KHDRBS2: variants seen among roughly 807,000 people sequenced by gnomAD.
The protein encoded by KHDRBS2 is KH RNA binding domain containing, signal transduction associated 2.
Under a neutral mutation model 44.3 loss-of-function variants are expected in KHDRBS2, and 26 were observed. That is an observed-to-expected ratio of 0.59 (90% CI 0.43 to 0.81). KHDRBS2 has a LOEUF of 0.81. KHDRBS2 is among the 40% of genes least tolerant of loss of function. The pLI, the probability that KHDRBS2 is intolerant of heterozygous loss-of-function variation, is 0.00. For missense variants in KHDRBS2, 476 were observed against 433.1 expected (o/e 1.10, Z -0.88); for synonymous variants, 194 against 151.1 (o/e 1.28, Z -2.08).
intron 4 of KHDRBS2, among the ~76,000 whole-genome samples, chr6:61,918,579 C>T (rs1235945952): frequency 2.0e-5 from 3 of 151,904 alleles, no homozygotes; most frequent in Admixed American, 6.6e-5. Flanking sequence ...GAAGAGATCC[C>T]TCACCAGAAC....
chr6:62,262,227 C>T (rs532939608), intron 1 of KHDRBS2, among the ~76,000 whole-genome samples: 93 of 151,754 alleles, frequency 6.1e-4, no homozygotes, highest in Admixed American at 2.4e-3. Context: ...TGGCAGGACA[C>T]ATACCACAGT....
intron 6 of KHDRBS2, among the ~76,000 whole-genome samples, chr6:61,742,616 G>A (rs146984144): frequency 5.8e-4 from 88 of 151,956 alleles, no homozygotes; most frequent in Middle Eastern, 6.8e-3. Context: ...CCCACTGAAA[G>A]CATGACTAGA....
chr6:61,699,066 T>C (rs1409130467), intron 7 of KHDRBS2, among the ~76,000 whole-genome samples: 2 of 152,130 alleles, frequency 1.3e-5, no homozygotes, highest in Non-Finnish European at 2.9e-5. Flanking sequence ...AAACTTCTTG[T>C]TATAGAAAAT....
At chr6:61,721,178 G>A (rs532503784) in intron 7 of KHDRBS2, among the ~76,000 whole-genome samples, 4 of 152,200 alleles carry the variant, frequency 2.6e-5, no homozygotes, top group South Asian at 4.1e-4. Flanking sequence ...TTTGGTTACT[G>A]TAGCCTTGTA....
chr6:61,980,059 T>C (rs1304998315), intron 3 of KHDRBS2, among the ~76,000 whole-genome samples: 1 of 152,048 alleles, frequency 6.6e-6, no homozygotes, highest in African/African-American at 2.4e-5. Context: ...ATTATGGAGC[T>C]CAATAAAATA....
intron 2 of KHDRBS2, among the ~76,000 whole-genome samples, chr6:62,147,640 C>T (rs1342270711): frequency 6.6e-6 from 1 of 151,880 alleles, no homozygotes. Flanking sequence ...CTAGAAATTG[C>T]CAACATTTTT....
chr6:62,057,953 A>G (rs1218736602), intron 2 of KHDRBS2, among the ~76,000 whole-genome samples: 4 of 151,982 alleles, frequency 2.6e-5, no homozygotes, highest in Non-Finnish European at 4.4e-5. Context: ...TTTTAGGGAC[A>G]TTTTTAACAT....
rs374075454 is a variant in KHDRBS2 at position 62,072,254 on chromosome 6, G to C, written c.220-24260C>G. Reference sequence around the variant, plus strand: ...AGGAGATTTTGGGCTGAGACGATGGGGTTTTCTAGATATACAATCATGTCA... The same window carrying C: ...AGGAGATTTTGGGCTGAGACGATGGCGTTTTCTAGATATACAATCATGTCA... On this transcript the variant is annotated intron_variant, in intron 2 of 8. Coordinates refer to ENST00000281156, the MANE Select transcript of KHDRBS2 (RefSeq NM_152688.4). Among the ~76,000 whole-genome samples, 8 of 152,166 alleles carry C rather than the reference G, an allele frequency of 5.3e-5. No individual in the cohort carries two copies. In the East Asian group the frequency reaches 1.2e-3, roughly 22 times the overall value.
rs1448906932 is a variant in KHDRBS2, at chr6:62,213,160, A to G, written c.92-35848T>C. ...TTTAATCCGTTCATAATAGCTATCAATATAATGCTGGGGCATTGATAATGT... is the reference window on the plus strand; with the variant it reads ...TTTAATCCGTTCATAATAGCTATCAGTATAATGCTGGGGCATTGATAATGT... On this transcript the variant is annotated intron_variant, in intron 1 of 8. Coordinates refer to ENST00000281156, the MANE Select transcript of KHDRBS2 (RefSeq NM_152688.4). 4.6e-5 allele frequency among the ~76,000 whole-genome samples: 7 copies of G among 152,194 alleles called. No homozygotes were observed. The South Asian group carries it at 1.0e-3, about 23-fold the overall frequency.
chr6:61,850,724 T>A (rs1795290901), intron 6 of KHDRBS2, among the ~76,000 whole-genome samples: 1 of 152,098 alleles, frequency 6.6e-6, no homozygotes, highest in Non-Finnish European at 1.5e-5. Context: ...AGGATCAAGC[T>A]CATGTCAATC....
the KHDRBS2 span, among the ~76,000 whole-genome samples, chr6:61,624,626 T>C: frequency 6.6e-6 from 1 of 152,250 alleles, no homozygotes; most frequent in East Asian, 1.9e-4. Context: ...GGGCTACTGA[T>C]TGAATCACAT....
chr6:61,693,813 G>T (rs1767619871), intron 8 of KHDRBS2, among the ~76,000 whole-genome samples: 1 of 152,096 alleles, frequency 6.6e-6, no homozygotes, highest in Non-Finnish European at 1.5e-5. Context: ...AGACTACAAA[G>T]AAAGTACAAT....
chr6:62,189,116 C>T (rs1380551106), intron 1 of KHDRBS2, among the ~76,000 whole-genome samples: 6 of 151,098 alleles, frequency 4.0e-5, no homozygotes, highest in Non-Finnish European at 8.8e-5. Flanking sequence ...GAGTCTGTCT[C>T]CAAGAAACAA....
At chr6:61,641,241 T>G in the KHDRBS2 span, among the ~76,000 whole-genome samples, 9 of 152,176 alleles carry the variant, frequency 5.9e-5, no homozygotes, top group Non-Finnish European at 1.2e-4. Flanking sequence ...TAGGTTAGGC[T>G]TCCTAAAATA....
intron 1 of KHDRBS2, among the ~76,000 whole-genome samples, 184 bp from the exon 2 acceptor site, chr6:62,177,496 G>T (rs1821386696): frequency 6.6e-6 from 1 of 151,398 alleles, no homozygotes; most frequent in South Asian, 2.1e-4. Flanking sequence ...GCTACTGTAT[G>T]TAAGAGAACC....
intron 1 of KHDRBS2, among the ~76,000 whole-genome samples, chr6:62,272,755 G>C (rs1263026693): frequency 1.3e-5 from 2 of 152,144 alleles, no homozygotes; most frequent in Non-Finnish European, 2.9e-5. Flanking sequence ...AGGATTCCAA[G>C]AACAGTCCTA....
At chr6:61,786,536 T>C (rs990211611) in intron 6 of KHDRBS2, among the ~76,000 whole-genome samples, 21 of 151,778 alleles carry the variant, frequency 1.4e-4, no homozygotes, top group African/African-American at 5.1e-4. Context: ...AAAGCTAAAT[T>C]TATTTATGAT....
intron 6 of KHDRBS2, among the ~76,000 whole-genome samples, chr6:61,826,542 C>A (rs1314617150): frequency 6.6e-6 from 1 of 151,998 alleles, no homozygotes; most frequent in East Asian, 1.9e-4. Context: ...GGCTACTTCA[C>A]CATCCCTAGT....
intron 2 of KHDRBS2, among the ~76,000 whole-genome samples, chr6:62,072,385 T>C (rs1562790357): frequency 1.3e-5 from 2 of 152,182 alleles, no homozygotes; most frequent in Admixed American, 1.3e-4. Flanking sequence ...CTACGTTGAA[T>C]AGGAGTGGTG....
Sources: gnomAD v4.1 joint callset for allele counts (sites outside exome capture counted in the v4.1 genomes callset) on GRCh38, gnomAD v4.1.1 for gene constraint, MANE v1.5 for transcripts, NCBI Gene and HGNC (gene_info 2026-07-23, HGNC 2026-07-21) for gene names.